MFN2: variants seen among roughly 807,000 people sequenced by gnomAD.
The protein encoded by MFN2 is mitofusin-2.
MFN2 carries 43 observed loss-of-function variants against 87.5 expected under a neutral mutation model. That is an observed-to-expected ratio of 0.49 (90% confidence interval 0.38 to 0.63). The LOEUF is 0.63. Among genes scored for constraint, MFN2 ranks in the 30% least tolerant of loss-of-function variants. The pLI is 0.00. For synonymous variants in MFN2, 337 were observed against 359.9 expected, an observed-to-expected ratio of 0.94 and a Z score of 0.72; for missense variants, 743 against 972.8, an observed-to-expected ratio of 0.76 and a Z score of 3.14.
chr1:12,007,852 C>T (rs1639490912), intron 17 of MFN2, among the ~76,000 whole-genome samples: 1 of 151,878 alleles, frequency 6.6e-6, no homozygotes, highest in Admixed American at 6.6e-5. Context: ...AGCAGATAAA[C>T]AAGTGAACAA....
intron 2 of MFN2, among the ~76,000 whole-genome samples, chr1:11,985,997 A>G (rs1310840418): frequency 6.6e-6 from 1 of 152,152 alleles, no homozygotes; most frequent in East Asian, 1.9e-4. Context: ...CATCTCTCAT[A>G]GCTGTGGCGT....
Position 12,013,129 on chromosome 1 carries a change from G to A in MFN2, c.*1564G>A. On this transcript the variant is annotated 3_prime_UTR_variant, in exon 19 of 19. Transcript: ENST00000235329. ...GTGTGCCGGGCCTGAATGGACAGGG[G>A]CCACTTCACAGCATGTCAGGGAAAA... The A allele has an allele frequency of 2.9e-6, 1 of 349,338 alleles. No individual in the cohort carries two copies. Among genetic ancestry groups the A allele is most frequent in the Admixed American group, 4.0e-5 (1 of 24,784 alleles). The allele number at this position is 349,338 out of a possible 1,614,324, so 21.6% of individuals were successfully genotyped here. A position where few individuals can be genotyped will look rare whatever the true frequency, so the allele number is the denominator to read the frequency against.
intron 6 of MFN2, among the ~76,000 whole-genome samples, chr1:11,997,879 C>CTTTTTTTTTTTTTTT (rs768355266): frequency 1.0e-5 from 1 of 95,836 alleles, no homozygotes; most frequent in Non-Finnish European, 1.9e-5. Context: ...TGTATATCAT[C>CTTTTTTTTTTTTTTT]TTTTTTTTTT....
Position 12,004,594 on chromosome 1 carries a change from T to G in MFN2, c.1373T>G (p.Val458Gly). ...ATGGACTTCCACCCTTCTCCAGTAG[T>G]CCTCAAGGTTTATAAGAATGTGAGT... ...YQMDFHPSPV[V>G]LKVYKNELHR... The change falls in exon 13 of 19, where the codon GTC becomes GGC. Residue 458 changes from valine to glycine, a missense_variant. Transcript: ENST00000235329. The surrounding 1 kb of genome is among the most constrained non-coding windows in gnomAD (Gnocchi z 4.2). 1 of 1,614,054 alleles carries G rather than the reference T, an allele frequency of 6.2e-7. No homozygotes were observed. Among genetic ancestry groups the G allele is most frequent in the Non-Finnish European group, 8.5e-7 (1 of 1,179,956 alleles).
At chr1:12,010,469 C>T (rs543021799) in intron 18 of MFN2, among the ~76,000 whole-genome samples, 24 of 152,306 alleles carry the variant, frequency 1.6e-4, no homozygotes, top group African/African-American at 5.1e-4. Flanking sequence ...CAGCAGCCCC[C>T]GCACTCTGAT....
intron 3 of MFN2, among the ~76,000 whole-genome samples, chr1:11,990,899 C>G (rs1638646382): frequency 6.6e-6 from 1 of 152,176 alleles, no homozygotes; most frequent in Non-Finnish European, 1.5e-5. Flanking sequence ...GTGTTGTTGA[C>G]TTGGTCATTT....
In MFN2 at chr1:11,998,886, CT is replaced by C. The variant is rs750295419; in HGVS notation, c.708+9del. 4 of 1,613,290 alleles carry C rather than the reference CT, an allele frequency of 2.5e-6. No individual in the cohort carries two copies. Among genetic ancestry groups the C allele is most frequent in the Non-Finnish European group, 3.4e-6 (4 of 1,179,218 alleles). ...TCCACCCTGATGCAGACGGTAACTC[CT>C]CCTCTGCCTTCTCCCAAGCTCCCAG... On this transcript the variant is annotated intron_variant, in intron 7 of 18. Transcript: ENST00000235329.
At chr1:11,991,656 G>A (rs1638682276) in intron 3 of MFN2, among the ~76,000 whole-genome samples, 1 of 152,094 alleles carries the variant, frequency 6.6e-6, no homozygotes, top group Non-Finnish European at 1.5e-5. Context: ...CGGGCGCGGT[G>A]GCTCACGCCT....
At chr1:11,988,248 G>T (rs1434897118) in intron 2 of MFN2, among the ~76,000 whole-genome samples, 5 of 151,398 alleles carry the variant, frequency 3.3e-5, no homozygotes, top group African/African-American at 4.9e-5. Context: ...ATTATAGGCG[G>T]CCACCACCAC....
At position 12,003,764 on chromosome 1, in the gene MFN2, C is replaced by T. The variant is rs571245840; in HGVS notation, c.1161-228C>T. Among the ~76,000 whole-genome samples, 2 of 152,310 alleles carry T rather than the reference C, an allele frequency of 1.3e-5. No homozygotes were observed. The highest frequency in any genetic ancestry group is 3.9e-4 in the East Asian group (2 of 5,188). The stretch of plus-strand genomic sequence containing the variant: ...TGTTTAAACCCCCTTAAAGCGCCCT[C>T]CCTGTTTTGTGCCCACCACCTGACC... On this transcript the variant is annotated intron_variant, in intron 11 of 18. Coordinates refer to ENST00000235329, the MANE Select transcript of MFN2 (RefSeq NM_014874.4). The surrounding 1 kb of genome is among the most constrained non-coding windows in gnomAD (Gnocchi z 4.1).
intron 1 of MFN2, among the ~76,000 whole-genome samples, 177 bp downstream of exon 1, chr1:11,980,661 G>T (rs933926824): frequency 1.3e-5 from 2 of 152,216 alleles, no homozygotes; most frequent in South Asian, 2.1e-4. Flanking sequence ...AGAGGAGGGG[G>T]CGGGCCACGG....
chr1:11,990,513 G>C (rs1638630671), intron 3 of MFN2, among the ~76,000 whole-genome samples: 1 of 152,204 alleles, frequency 6.6e-6, no homozygotes, highest in Admixed American at 6.5e-5. Context: ...TGGAAGCTCT[G>C]AGTCACCTAC....
Position 12,004,689 on chromosome 1 carries a change from GC to G in MFN2, c.1392+82del. ...TCAACCCCTGTTGGTCTGGGTCAGGGCCCCCCAGCAGTGACAGTAGAAGCCA... is the reference window on the plus strand; with the variant it reads ...TCAACCCCTGTTGGTCTGGGTCAGGGCCCCCAGCAGTGACAGTAGAAGCCA... On this transcript the variant is annotated intron_variant, in intron 13 of 18. Transcript: ENST00000235329. This position sits in a 1 kb window ranked among gnomAD's most constrained non-coding sequence, Gnocchi z 4.2. 1.3e-6 allele frequency: 2 copies of G among 1,528,366 alleles called. No homozygotes were observed. The highest frequency in any genetic ancestry group is 1.8e-6 in the Non-Finnish European group (2 of 1,103,050). 94.7% of individuals were successfully genotyped at this position (1,528,366 alleles called of 1,614,324 possible). A position where few individuals can be genotyped will look rare whatever the true frequency, so the allele number is the denominator to read the frequency against.
intron 2 of MFN2, among the ~76,000 whole-genome samples, 179 bp from the exon 3 acceptor site, chr1:11,988,986 G>A (rs1007178541): frequency 2.6e-5 from 4 of 152,066 alleles, no homozygotes; most frequent in Non-Finnish European, 5.9e-5. Flanking sequence ...ACAGGGGTGA[G>A]CCACCGCGCC....
At chr1:12,001,864 G>T (rs1156560031) in intron 10 of MFN2, 28 bp downstream of exon 10, 1 of 1,613,766 alleles carries the variant, frequency 6.2e-7, no homozygotes, top group African/African-American at 1.3e-5. Flanking sequence ...GGTATCTGGC[G>T]ATTCTGTGCC....
chr1:11,983,045 T>C (rs1249530134), intron 2 of MFN2, among the ~76,000 whole-genome samples: 1 of 152,088 alleles, frequency 6.6e-6, no homozygotes, highest in East Asian at 1.9e-4. Flanking sequence ...ATGGTGTTTT[T>C]TGTTTGTTTG....
chr1:12,002,132 AGAGAGCTGCC>A (rs768692120), intron 11 of MFN2, 29 bp downstream of exon 11: 1 of 1,613,966 alleles, frequency 6.2e-7, no homozygotes, highest in Non-Finnish European at 8.5e-7. Flanking sequence ...AGATAGGTGG[AGAGAGCTGCC>A]GAGACAAGGG....
In MFN2 at chr1:12,005,779, T is replaced by C. The variant is rs747397065; in HGVS notation, c.1564T>C (p.Phe522Leu). The C allele has an allele frequency of 1.2e-6, 2 of 1,614,104 alleles. No homozygotes were observed. Among genetic ancestry groups the C allele is most frequent in the African/African-American group, 2.7e-5 (2 of 74,940 alleles). ...AGACATGCTGGTCCCACGCCAGTGC[T>C]TCTCCCTCAACTATGACCTAAACTG... The part of the protein sequence containing the change: ...QIDMLVPRQC[F>L]SLNYDLNCDK... Residue 522 changes from phenylalanine to leucine, a missense_variant, in exon 15 of 19, where the codon TTC (phenylalanine) becomes CTC (leucine). This residue lies in a region of MFN2 where 571 missense variants were observed against 670.7 expected (regional missense o/e 0.85). Coordinates refer to ENST00000235329, the MANE Select transcript of MFN2 (RefSeq NM_014874.4).
intron 3 of MFN2, among the ~76,000 whole-genome samples, chr1:11,991,918 C>T (rs1225236506): frequency 1.3e-4 from 4 of 31,860 alleles, no homozygotes; most frequent in African/African-American, 1.9e-4. Context: ...AGCGAGACTC[C>T]GTCTCAAAAA....
Sources: gnomAD v4.1 joint callset for allele counts (sites outside exome capture counted in the v4.1 genomes callset) on GRCh38, gnomAD v4.1.1 for gene constraint, gnomAD v4.1.1 regional missense constraint, Gnocchi (gnomAD v3.1) non-coding constraint, MANE v1.5 for transcripts, NCBI Gene and HGNC (gene_info 2026-07-23, HGNC 2026-07-21) for gene names.